DENND4C: variants seen among roughly 807,000 people sequenced by gnomAD.
DENND4C encodes the protein DENN domain containing 4C.
A neutral mutation model predicts 203.0 loss-of-function variants in DENND4C; 108 were observed. The observed-to-expected ratio is 0.53, with a 90% CI of 0.46 to 0.62. The LOEUF is 0.62. DENND4C is among the 20% of genes least tolerant of loss of function. DENND4C has a pLI of 0.00. For missense variants in DENND4C, 2,481 were observed against 2,301.2 expected (o/e 1.08, Z -1.60); for synonymous variants, 871 against 792.4 (o/e 1.10, Z -1.67).
Position 19,296,120 on chromosome 9 carries a change from A to C in DENND4C, c.914A>C (p.Lys305Thr). The C allele has an allele frequency of 6.2e-7, 1 of 1,613,894 alleles. No homozygotes were observed. Among genetic ancestry groups the C allele is most frequent in the East Asian group, 2.2e-5 (1 of 44,876 alleles). Residue 305 changes from lysine (K) to threonine (T), a missense_variant, in exon 6 of 33, where the codon AAA becomes ACA. Transcript: ENST00000434457. ...LTPVERKMVSKSINTNKCICL... is the reference protein window; with the variant it reads ...LTPVERKMVSTSINTNKCICL... ...CCTGTGGAGAGAAAAATGGTCTCCA[A>C]ATCCATCAATACAAACAAATGCATT...
At chr9:19,325,467 A>G (rs1299363368) in intron 13 of DENND4C, among the ~76,000 whole-genome samples, 1 of 152,286 alleles carries the variant, frequency 6.6e-6, no homozygotes, top group East Asian at 1.9e-4. Flanking sequence ...ATTAATTTTT[A>G]TGGCCCCCTC....
At chr9:19,368,983 C>G (rs1012134425) in intron 30 of DENND4C, among the ~76,000 whole-genome samples, 1 of 151,574 alleles carries the variant, frequency 6.6e-6, no homozygotes, top group Non-Finnish European at 1.5e-5. Context: ...GACCCTATCT[C>G]TACAAAAATA....
rs369919342 is a variant in DENND4C at position 19,324,525 on chromosome 9, T to C, written c.1953+18T>C. ...TAGAAAAGGTAAAAGTTTGTACTTA[T>C]ACTAGTGTTTAGAAAAAAAAGTTTG... On this transcript the variant is annotated intron_variant, in intron 13 of 32. Transcript: ENST00000434457. 9.2e-5 allele frequency: 147 copies of C among 1,590,194 alleles called. No homozygotes were observed. In the African/African-American group the frequency reaches 1.5e-3, roughly 16 times the overall value.
chr9:19,292,849 A>G (rs1836660073), intron 5 of DENND4C, among the ~76,000 whole-genome samples: 1 of 152,148 alleles, frequency 6.6e-6, no homozygotes, highest in Non-Finnish European at 1.5e-5. Context: ...CCCAGCAAAA[A>G]TTGAAAACTT....
At chr9:19,283,636 A>T in intron 2 of DENND4C, among the ~76,000 whole-genome samples, 1 of 132,532 alleles carries the variant, frequency 7.5e-6, no homozygotes. Context: ...TTTGAGACAG[A>T]GTTTCGTTCT....
chr9:19,265,614 C>T (rs999593549), intron 1 of DENND4C, among the ~76,000 whole-genome samples: 1 of 152,060 alleles, frequency 6.6e-6, no homozygotes, highest in Non-Finnish European at 1.5e-5. Flanking sequence ...TCCCCCTACC[C>T]CACGACAGGC....
At chr9:19,340,954 G>A in intron 20 of DENND4C, 38 bp from the exon 21 acceptor site, 1 of 1,541,114 alleles carries the variant, frequency 6.5e-7, no homozygotes, top group Non-Finnish European at 8.7e-7. Flanking sequence ...ATAAGTATAT[G>A]AAAACATTTA....
chr9:19,332,211 C>G (rs1338852630), intron 17 of DENND4C, 27 bp downstream of exon 17: 2 of 1,599,288 alleles, frequency 1.3e-6, no homozygotes, highest in African/African-American at 1.3e-5. Context: ...GACATTGTTT[C>G]TAAGGTAAAT....
chr9:19,290,855 G>A lies in DENND4C; in HGVS notation c.780G>A (p.Leu260=), dbSNP rs1209941073. 5.0e-6 allele frequency: 8 copies of A among 1,613,126 alleles called. No homozygotes were observed. The highest frequency in any genetic ancestry group is 6.8e-6 in the Non-Finnish European group (8 of 1,179,636). The change falls in exon 5 of 33, where the codon TTG becomes TTA. Residue 260 remains leucine (L), a synonymous_variant. Transcript: ENST00000434457. ...TTCCAGTTTTTTCAACTTTTGTCTT[G>A]ACAGGTTCTTCAGCCAAAAAGGTAT... ...YPLPVFSTFV[L]TGSSAKKVYG...
intron 12 of DENND4C, among the ~76,000 whole-genome samples, chr9:19,317,242 A>T (rs531969111): frequency 2.0e-5 from 3 of 148,606 alleles, no homozygotes; most frequent in African/African-American, 7.5e-5. Flanking sequence ...GCTGGACTTG[A>T]ACTCCTGGCC....
intron 1 of DENND4C, among the ~76,000 whole-genome samples, chr9:19,250,133 T>C (rs1270697358): frequency 6.6e-6 from 1 of 152,148 alleles, no homozygotes; most frequent in Non-Finnish European, 1.5e-5. Flanking sequence ...CCTCCATCTC[T>C]ACTGTACTAG....
intron 1 of DENND4C, among the ~76,000 whole-genome samples, chr9:19,260,861 G>A (rs1275322137): frequency 6.6e-6 from 1 of 152,082 alleles, no homozygotes; most frequent in Middle Eastern, 3.2e-3. Context: ...CTATGCTTTT[G>A]GGGTCGTAAT....
chr9:19,231,270 G>A (rs948650561), intron 1 of DENND4C, among the ~76,000 whole-genome samples: 1 of 152,184 alleles, frequency 6.6e-6, no homozygotes, highest in African/African-American at 2.4e-5. Flanking sequence ...AGCCAGGGGT[G>A]GCGGGCAGTC....
At chr9:19,246,050 C>G (rs1002133383) in intron 1 of DENND4C, among the ~76,000 whole-genome samples, 1 of 151,630 alleles carries the variant, frequency 6.6e-6, no homozygotes, top group African/African-American at 2.4e-5. Flanking sequence ...TTTCACTGTC[C>G]ATCATTCTCC....
intron 1 of DENND4C, among the ~76,000 whole-genome samples, 173 bp downstream of exon 1, chr9:19,231,006 G>C (rs1285282539): frequency 1.3e-5 from 2 of 152,232 alleles, no homozygotes; most frequent in Admixed American, 6.5e-5. Context: ...GCTGGCGTTC[G>C]TGGCCTAGTT....
chr9:19,305,513 G>A lies in DENND4C; in HGVS notation c.1473G>A (p.Thr491=), dbSNP rs79987248. 6,354 of 1,612,152 alleles carry A rather than the reference G, an allele frequency of 3.9e-3. 224 individuals are homozygous for A. The African/African-American group carries it at 0.075, about 19-fold the overall frequency. Residue 491 remains threonine (T), a synonymous_variant, in exon 10 of 33, where the codon ACG becomes ACA. Coordinates refer to ENST00000434457, the MANE Select transcript of DENND4C (RefSeq NM_001330640.2). The stretch of plus-strand genomic sequence containing the variant: ...ATGTTGTTTGCATTGACTTGGATAC[G>A]AACATGTTATATGTGTAAGTTGATT... ...PQDVVCIDLD[T]NMLYVSDEKK...
chr9:19,302,499 G>A (rs1384688556), intron 9 of DENND4C, among the ~76,000 whole-genome samples: 1 of 151,914 alleles, frequency 6.6e-6, no homozygotes, highest in African/African-American at 2.4e-5. Flanking sequence ...TCCTTGCAGG[G>A]TCCTTTGTGA....
Position 19,341,078 on chromosome 9 carries a change from A to G in DENND4C, c.2968A>G (p.Arg990Gly), listed in dbSNP as rs764749767. Residue 990 changes from arginine (R) to glycine (G), a missense_variant, in exon 21 of 33, where the codon AGA (arginine) becomes GGA (glycine). By Grantham distance (125) the Arg-to-Gly change is moderately radical. Around this residue, in one of 3 missense-constraint regions of DENND4C, gnomAD observed 2,289 missense variants for 2,113.3 expected, o/e 1.08. Coordinates refer to ENST00000434457, the MANE Select transcript of DENND4C (RefSeq NM_001330640.2). ...TCATGTGCCTGAAGAACAGGCAGCAAGAGAATTGATAACTAAAACAAAAAT... is the reference window on the plus strand; with the variant it reads ...TCATGTGCCTGAAGAACAGGCAGCAGGAGAATTGATAACTAAAACAAAAAT... ...EIHVPEEQAARELITKTKMQT... is the reference protein window; with the variant it reads ...EIHVPEEQAAGELITKTKMQT... The G allele has an allele frequency of 6.8e-6, 11 of 1,612,794 alleles. No individual in the cohort carries two copies. Among genetic ancestry groups the G allele is most frequent in the South Asian group, 2.2e-5 (2 of 90,906 alleles).
rs1419123882 is a variant in DENND4C, at chr9:19,372,531, A to G, written c.*358A>G. 1 of 167,460 alleles carries G rather than the reference A, an allele frequency of 6.0e-6. No individual in the cohort carries two copies. Among genetic ancestry groups the G allele is most frequent in the African/African-American group, 2.4e-5 (1 of 41,942 alleles). The allele number at this position is 167,460 out of a possible 1,614,324, so 10.4% of individuals were successfully genotyped here. A position where few individuals can be genotyped will look rare whatever the true frequency, so the allele number is the denominator to read the frequency against. The stretch of plus-strand genomic sequence containing the variant: ...AAGTTACTGAGTTTGAGGAATGGCA[A>G]ATTAAATTTGCCTAACCCCCAAAAC... On this transcript the variant is annotated 3_prime_UTR_variant, in exon 33 of 33. Coordinates refer to ENST00000434457, the MANE Select transcript of DENND4C (RefSeq NM_001330640.2).
Sources: gnomAD v4.1 joint callset for allele counts (sites outside exome capture counted in the v4.1 genomes callset) on GRCh38, gnomAD v4.1.1 for gene constraint, gnomAD v4.1.1 regional missense constraint, MANE v1.5 for transcripts, NCBI Gene and HGNC (gene_info 2026-07-23, HGNC 2026-07-21) for gene names.